Variants in LRRC4C observed in about 807,000 individuals in gnomAD.
The protein encoded by LRRC4C is leucine rich repeat containing 4C, also known as leucine-rich repeat-containing protein 4C.
Under a neutral mutation model 33.6 loss-of-function variants are expected in LRRC4C, and 5 were observed. The ratio of observed to expected loss-of-function variants is 0.15; its 90% CI spans 0.08 to 0.31. The LOEUF (loss-of-function observed/expected upper bound fraction) is 0.31. Among genes scored for constraint, LRRC4C ranks in the 10% least tolerant of loss-of-function variants. The pLI, the probability that LRRC4C is intolerant of heterozygous loss-of-function variation, is 1.00. For missense variants in LRRC4C, 560 were observed against 796.7 expected (o/e 0.70, Z 3.58); for synonymous variants, 329 against 302.0 (o/e 1.09, Z -0.93).
At chr11:40,807,543 A>G (rs1364810344) in intron 2 of LRRC4C, among the ~76,000 whole-genome samples, 1 of 152,248 alleles carries the variant, frequency 6.6e-6, no homozygotes. Context: ...TTTCTGACAG[A>G]ACAGAAGCCT....
intron 1 of LRRC4C, among the ~76,000 whole-genome samples, chr11:41,213,304 T>C (rs1276043485): frequency 6.6e-6 from 1 of 152,214 alleles, no homozygotes; most frequent in Non-Finnish European, 1.5e-5. Context: ...ACAAGTCCTA[T>C]GATCATATTT....
At chr11:40,579,803 C>CATTT (rs527818678) in intron 3 of LRRC4C, among the ~76,000 whole-genome samples, 4 of 152,160 alleles carry the variant, frequency 2.6e-5, no homozygotes, top group Non-Finnish European at 5.9e-5. Context: ...TCTTCTACTT[C>CATTT]ATTTATTTAT....
intron 3 of LRRC4C, among the ~76,000 whole-genome samples, chr11:40,373,515 C>T (rs1324838553): frequency 6.6e-6 from 1 of 152,070 alleles, no homozygotes; most frequent in Non-Finnish European, 1.5e-5. Flanking sequence ...TTAATATACA[C>T]TTTCTAAATG....
rs183687502 is a variant in LRRC4C, at chr11:41,259,776, C to A, written c.-496+199655G>T. The stretch of plus-strand genomic sequence containing the variant: ...AACTATTTACTTATCCATCTTTGAA[C>A]TTCACTCTTCTTGCAAAGTGTAGTA... On this transcript the variant is annotated intron_variant, in intron 1 of 6. Coordinates refer to ENST00000528697, the MANE Select transcript of LRRC4C (RefSeq NM_001258419.2). Among the ~76,000 whole-genome samples the A allele has an allele frequency of 2.9e-3, 438 of 152,106 alleles. 1 individual carries two copies. Among genetic ancestry groups the A allele is most frequent in the Middle Eastern group, 6.8e-3 (2 of 294 alleles).
In LRRC4C at chr11:40,718,809, C is replaced by G. The variant is rs552242534; in HGVS notation, c.-406-70531G>C. ...AGACATCTCTTACTTTCTTTTATTC[C>G]TATCTGGATAAGGAAACTGGGCACT... On this transcript the variant is annotated intron_variant, in intron 2 of 6. Transcript: ENST00000528697. Among the ~76,000 whole-genome samples, 3 of 152,132 alleles carry G rather than the reference C, an allele frequency of 2.0e-5. No homozygotes were observed. In the South Asian group the frequency reaches 6.2e-4, roughly 32 times the overall value.
At chr11:40,857,037 G>C (rs1953820106) in intron 2 of LRRC4C, among the ~76,000 whole-genome samples, 2 of 152,132 alleles carry the variant, frequency 1.3e-5, no homozygotes, top group African/African-American at 4.8e-5. Flanking sequence ...TAAAGACATA[G>C]GTTGGAAAAG....
chr11:41,134,488 G>A (rs1162773957), intron 1 of LRRC4C, among the ~76,000 whole-genome samples: 1 of 152,154 alleles, frequency 6.6e-6, no homozygotes, highest in Non-Finnish European at 1.5e-5. Flanking sequence ...TCATTGTATG[G>A]TCAATAACTT....
chr11:40,640,991 G>A (rs1281268510), intron 3 of LRRC4C, among the ~76,000 whole-genome samples: 1 of 138,212 alleles, frequency 7.2e-6, no homozygotes, highest in Non-Finnish European at 1.5e-5. Flanking sequence ...ACTCCAGCCC[G>A]CGCTACAGAG....
chr11:40,875,784 TCA>T (rs1954854847), intron 2 of LRRC4C, among the ~76,000 whole-genome samples: 1 of 152,154 alleles, frequency 6.6e-6, no homozygotes, highest in Non-Finnish European at 1.5e-5. Context: ...TCGGGATGAC[TCA>T]AGAGCATTAC....
intron 1 of LRRC4C, among the ~76,000 whole-genome samples, chr11:41,143,560 G>T (rs1943605011): frequency 6.6e-6 from 1 of 152,058 alleles, no homozygotes; most frequent in Non-Finnish European, 1.5e-5. Context: ...TGAGGGACAG[G>T]TCCACCAAAA....
At chr11:40,157,425 A>G (rs535547745) in intron 5 of LRRC4C, among the ~76,000 whole-genome samples, 3 of 152,326 alleles carry the variant, frequency 2.0e-5, no homozygotes, top group African/African-American at 7.2e-5. Context: ...TAATTAAACT[A>G]AAGAGCTTTT....
At chr11:40,354,513 T>TC (rs982745624) in intron 3 of LRRC4C, among the ~76,000 whole-genome samples, 23 of 152,104 alleles carry the variant, frequency 1.5e-4, no homozygotes, top group Admixed American at 1.3e-4. Context: ...TACGTGATGG[T>TC]CTATTCTAAT....
Position 40,571,532 on chromosome 11 carries a change from C to T in LRRC4C, c.-270+76610G>A, listed in dbSNP as rs371712922. Among the ~76,000 whole-genome samples the T allele has an allele frequency of 2.3e-4, 35 of 152,112 alleles. No homozygotes were observed. In the South Asian group the frequency reaches 2.9e-3, roughly 13 times the overall value. ...ATTCAAGTGACTTATTCAAAGGAAC[C>T]GTCTACAACTAGTTACAAGGAGAGT... On this transcript the variant is annotated intron_variant, in intron 3 of 6. Transcript: ENST00000528697.
rs533094695 is a variant in LRRC4C, at chr11:41,434,406, C to A, written c.-496+25025G>T. ...CCTTCTATTTGCTTATCTGGGACAACCTCAGACTTTGATGATGTATGGTCA... is the reference window on the plus strand; with the variant it reads ...CCTTCTATTTGCTTATCTGGGACAAACTCAGACTTTGATGATGTATGGTCA... On this transcript the variant is annotated intron_variant, in intron 1 of 6. Transcript: ENST00000528697. Among the ~76,000 whole-genome samples, 31 of 152,138 alleles carry A rather than the reference C, an allele frequency of 2.0e-4. No individual in the cohort carries two copies. The South Asian group carries it at 5.2e-3, about 26-fold the overall frequency.
intron 3 of LRRC4C, among the ~76,000 whole-genome samples, chr11:40,439,237 G>T (rs112704632): frequency 6.6e-6 from 1 of 151,740 alleles, no homozygotes; most frequent in East Asian, 1.9e-4. Flanking sequence ...ACTGGGCCTG[G>T]CCTATAAGTT....
rs555149219 is a variant in LRRC4C, at chr11:40,157,700, A to G, written c.-95-16847T>C. Among the ~76,000 whole-genome samples the G allele has an allele frequency of 2.6e-5, 4 of 152,332 alleles. 1 individual carries two copies. In the East Asian group the frequency reaches 7.7e-4, roughly 29 times the overall value. On this transcript the variant is annotated intron_variant, in intron 5 of 6. Transcript: ENST00000528697. ...GATCAGGGAAATGCAAATCAAAACC[A>G]TAATGCAAAAGCACCTTTCTCCTGC...
intron 1 of LRRC4C, among the ~76,000 whole-genome samples, chr11:41,252,796 A>T (rs570642674): frequency 6.6e-6 from 1 of 152,168 alleles, no homozygotes; most frequent in Non-Finnish European, 1.5e-5. Flanking sequence ...GCAAAGTCAC[A>T]TCTTACATGG....
chr11:40,249,170 T>C (rs1316314996), intron 4 of LRRC4C, among the ~76,000 whole-genome samples: 2 of 152,156 alleles, frequency 1.3e-5, no homozygotes, highest in African/African-American at 4.8e-5. Flanking sequence ...AAACCCCATC[T>C]CTACTAAAAA....
intron 1 of LRRC4C, among the ~76,000 whole-genome samples, chr11:40,994,963 C>T (rs10768657): frequency 0.4 from 60,385 of 151,926 alleles, 12,601 homozygotes; most frequent in South Asian, 0.54. Flanking sequence ...GACTTCTTTA[C>T]ACAGACACGC....
Sources: gnomAD v4.1 joint callset for allele counts (sites outside exome capture counted in the v4.1 genomes callset) on GRCh38, gnomAD v4.1.1 for gene constraint, MANE v1.5 for transcripts, NCBI Gene and HGNC (gene_info 2026-07-23, HGNC 2026-07-21) for gene names.